ANK2: variants seen among roughly 807,000 people sequenced by gnomAD.
ANK2 encodes the protein ankyrin 2.
Under a neutral mutation model 360.5 loss-of-function variants are expected in ANK2, and 83 were observed. That is an observed-to-expected ratio of 0.23 (90% CI 0.19 to 0.28). The LOEUF (loss-of-function observed/expected upper bound fraction) is 0.28, where lower values mean the gene tolerates loss of function less well. Among genes scored for constraint, ANK2 ranks in the 10% least tolerant of loss-of-function variants. ANK2 has a pLI of 1.00. For synonymous variants in ANK2, 1,740 were observed against 1,759.5 expected (o/e 0.99, Z 0.28); for missense variants, 4,201 against 4,795.7 (o/e 0.88, Z 3.66).
the ANK2 span, among the ~76,000 whole-genome samples, chr4:112,729,444 A>G: frequency 1.3e-5 from 2 of 152,180 alleles, no homozygotes; most frequent in African/African-American, 2.4e-5. Flanking sequence ...TTAAGTGTCC[A>G]TCAGTGGATG....
chr4:113,145,669 G>A, intron 1 of ANK2: 1 of 1,134,494 alleles, frequency 8.8e-7, no homozygotes, highest in Non-Finnish European at 1.1e-6. Context: ...GCCTGCAGTT[G>A]CCGGGGGTTT....
At chr4:113,328,432 T>G (rs961199204) in intron 26 of ANK2, among the ~76,000 whole-genome samples, 1 of 152,194 alleles carries the variant, frequency 6.6e-6, no homozygotes, top group Non-Finnish European at 1.5e-5. Flanking sequence ...AAACTTTACA[T>G]CTGTCTAGAA....
rs78648079 is a variant in ANK2 at position 112,906,639 on chromosome 4, G to A, written c.21+2125G>A. On this transcript the variant is annotated intron_variant, in intron 2 of 30. Transcript: ENST00000503271. ...AGCTAAGGCAATCTCTGTAGGATGCGTGCAGATACAGATAGGTTTGTAGAT... is the reference window on the plus strand; with the variant it reads ...AGCTAAGGCAATCTCTGTAGGATGCATGCAGATACAGATAGGTTTGTAGAT... 7.8e-3 allele frequency among the ~76,000 whole-genome samples: 1,188 copies of A among 152,230 alleles called. 8 individuals carry two copies. Among genetic ancestry groups the A allele is most frequent in the Non-Finnish European group, 0.013 (886 of 68,010 alleles).
chr4:113,021,479 ACGTATG>A (rs1427083635), intron 2 of ANK2, among the ~76,000 whole-genome samples: 3 of 146,956 alleles, frequency 2.0e-5, no homozygotes, highest in Non-Finnish European at 3.0e-5. Flanking sequence ...ATATATAAGT[ACGTATG>A]TGTATGTGTA....
intron 1 of ANK2, among the ~76,000 whole-genome samples, chr4:113,165,310 A>G (rs1050584197): frequency 3.6e-4 from 55 of 152,330 alleles, no homozygotes; most frequent in African/African-American, 1.3e-3. Flanking sequence ...ATTCAGTCAT[A>G]TATAGATGCT....
chr4:113,337,765 T>G (rs2093736448), intron 31 of ANK2, among the ~76,000 whole-genome samples: 1 of 152,316 alleles, frequency 6.6e-6, no homozygotes, highest in African/African-American at 2.4e-5. Flanking sequence ...TATGCTTCAC[T>G]TATGATCTCT....
chr4:112,953,990 G>T (rs372613957), intron 2 of ANK2, among the ~76,000 whole-genome samples: 3 of 150,734 alleles, frequency 2.0e-5, no homozygotes, highest in Admixed American at 6.6e-5. Context: ...AGAAAAAAAA[G>T]AATTTAGAAT....
At chr4:112,914,018 A>G (rs937467823) in intron 2 of ANK2, among the ~76,000 whole-genome samples, 8 of 152,140 alleles carry the variant, frequency 5.3e-5, no homozygotes, top group Non-Finnish European at 1.0e-4. Context: ...ACACTTTGAG[A>G]TAGTTTTTTT....
Position 113,263,656 on chromosome 4 carries a change from C to T in ANK2, c.1387-1241C>T, listed in dbSNP as rs377220805. ...AGGAATCAGAAGAAATTATTCTCTG[C>T]AGTTTGTCAATTACCACAACCAAAT... On this transcript the variant is annotated intron_variant, in intron 13 of 45. Coordinates refer to ENST00000357077, the MANE Select transcript of ANK2 (RefSeq NM_001148.6). Among the ~76,000 whole-genome samples the T allele has an allele frequency of 3.3e-5, 5 of 152,318 alleles. No individual in the cohort carries two copies. In the East Asian group the frequency reaches 7.7e-4, roughly 23 times the overall value.
rs2096583360 is a variant in ANK2 at position 113,367,570 on chromosome 4, C to A, written c.11037C>A (p.Phe3679Leu). ...QTITLDHSEGFSVLQEELCTA... is the reference protein window; with the variant it reads ...QTITLDHSEGLSVLQEELCTA... The stretch of plus-strand genomic sequence containing the variant: ...CTTAAATCATTCTGCCTTTAGGGTT[C>A]TCGGTACTTCAAGAGGAGTTATGCA... The change falls in exon 42 of 46, where the codon TTC (phenylalanine) becomes TTA (leucine). Residue 3679 changes from phenylalanine to leucine, a missense_variant. By Grantham distance (22) the Phe-to-Leu change is conservative (BLOSUM62 0). Transcript: ENST00000357077. 1 of 1,613,590 alleles carries A rather than the reference C, an allele frequency of 6.2e-7. No individual in the cohort carries two copies. The highest frequency in any genetic ancestry group is 2.2e-5 in the East Asian group (1 of 44,828).
intron 2 of ANK2, among the ~76,000 whole-genome samples, chr4:112,921,958 A>G (rs2091645435): frequency 6.6e-6 from 1 of 152,212 alleles, no homozygotes; most frequent in African/African-American, 2.4e-5. Flanking sequence ...GCTGTTTAGC[A>G]TTATGGCCTC....
chr4:112,781,055 A>T, the ANK2 span, among the ~76,000 whole-genome samples: 6 of 152,154 alleles, frequency 3.9e-5, no homozygotes, highest in Non-Finnish European at 7.3e-5. Context: ...GCTGGAGTGC[A>T]GTGGTGTGAT....
rs763870522 is a variant in ANK2 at position 113,353,267 on chromosome 4, A to C, written c.4649A>C (p.Glu1550Ala). The change falls in exon 38 of 46, where the codon GAA becomes GCA. Residue 1550 changes from glutamate (E) to alanine (A), a missense_variant. Physicochemically the swap from Glu to Ala is moderately radical, Grantham distance 107 (BLOSUM62 -1). Coordinates refer to ENST00000357077, the MANE Select transcript of ANK2 (RefSeq NM_001148.6). ...GAGGAAGAGCCAGGAGAGCCTTTTG[A>C]AATCGTTGAAAGAGTTAAAGAGGAC... Reference protein sequence around the residue: ...AAEEEPGEPFEIVERVKEDLE... With the variant: ...AAEEEPGEPFAIVERVKEDLE... 4.3e-6 allele frequency: 7 copies of C among 1,613,986 alleles called. No individual in the cohort carries two copies. Among genetic ancestry groups the C allele is most frequent in the Non-Finnish European group, 5.9e-6 (7 of 1,179,946 alleles).
At chr4:112,879,217 T>C (rs2076061780) in intron 1 of ANK2, among the ~76,000 whole-genome samples, 1 of 152,128 alleles carries the variant, frequency 6.6e-6, no homozygotes, top group Non-Finnish European at 1.5e-5. Context: ...CAACATTGAG[T>C]GGGGATCACT....
the ANK2 span, chr4:112,788,362 A>T: frequency 1.9e-6 from 3 of 1,554,288 alleles, no homozygotes; most frequent in South Asian, 3.4e-5. Flanking sequence ...CCATTTTACG[A>T]CATAGGGCAG....
intron 1 of ANK2, among the ~76,000 whole-genome samples, chr4:113,056,418 C>T (rs2069853087): frequency 6.6e-6 from 1 of 152,194 alleles, no homozygotes; most frequent in Admixed American, 6.6e-5. Flanking sequence ...GTATTTGTTT[C>T]TGTCTTGTCC....
At chr4:112,752,940 A>G in the ANK2 span, among the ~76,000 whole-genome samples, 2 of 152,230 alleles carry the variant, frequency 1.3e-5, no homozygotes, top group East Asian at 3.8e-4. Flanking sequence ...TGCTGGGACT[A>G]CAAGTGTGAA....
the ANK2 span, among the ~76,000 whole-genome samples, chr4:112,705,908 G>A: frequency 5.3e-5 from 8 of 151,474 alleles, no homozygotes; most frequent in African/African-American, 1.9e-4. Flanking sequence ...ACCCCGGCCC[G>A]CCGCGGCCCC....
In ANK2 at chr4:113,373,403, A is replaced by G. The variant is rs568549084; in HGVS notation, c.11813A>G (p.Lys3938Arg). 44 of 1,614,202 alleles carry G rather than the reference A, an allele frequency of 2.7e-5. No homozygotes were observed. In the Admixed American group the frequency reaches 3.7e-4, roughly 13 times the overall value. ...ATCGAGGAAGGGGATGGCTATTCCAAAGTTATAAAGCGTGTTGTATTGAAG... is the reference window on the plus strand; with the variant it reads ...ATCGAGGAAGGGGATGGCTATTCCAGAGTTATAAAGCGTGTTGTATTGAAG... ...VNIEEGDGYSKVIKRVVLKSD... is the reference protein window; with the variant it reads ...VNIEEGDGYSRVIKRVVLKSD... Residue 3938 changes from lysine (K) to arginine (R), a missense_variant, in exon 45 of 46, where the codon AAA (lysine) becomes AGA (arginine). This residue lies in a region of ANK2 where 2,642 missense variants were observed against 2,714.5 expected (regional missense o/e 0.97). Transcript: ENST00000357077.
Sources: allele counts gnomAD v4.1 joint callset (sites outside exome capture counted in the v4.1 genomes callset), GRCh38; gene constraint gnomAD v4.1.1; regional missense constraint gnomAD v4.1.1; transcripts MANE v1.5; gene names NCBI Gene and HGNC (gene_info 2026-07-23, HGNC 2026-07-21).